Variants in RARB observed in about 807,000 individuals in gnomAD.
RARB encodes HBV-activated protein.
A neutral mutation model predicts 51.9 loss-of-function variants in RARB; 17 were observed. The ratio of observed to expected loss-of-function variants is 0.33; its 90% CI spans 0.22 to 0.49. RARB has a LOEUF of 0.49. RARB is among the 20% of genes least tolerant of loss of function. RARB has a pLI of 0.99. For missense variants in RARB, 369 were observed against 550.8 expected (o/e 0.67, Z 3.30); for synonymous variants, 215 against 195.4 (o/e 1.10, Z -0.84).
At chr3:25,207,428 C>A (rs867172787) in intron 5 of RARB, among the ~76,000 whole-genome samples, 7 of 152,122 alleles carry the variant, frequency 4.6e-5, no homozygotes, top group African/African-American at 1.4e-4. Context: ...TCTTATCTTT[C>A]CTGTTTTAAT....
chr3:25,471,436 A>G (rs571584977), intron 2 of RARB, among the ~76,000 whole-genome samples: 19 of 152,192 alleles, frequency 1.2e-4, no homozygotes, highest in Non-Finnish European at 2.8e-4. Context: ...AATAATTCCT[A>G]CGGAAGGAGA....
intron 2 of RARB, among the ~76,000 whole-genome samples, chr3:25,468,638 A>G (rs1189279877): frequency 1.3e-5 from 2 of 152,074 alleles, no homozygotes; most frequent in Non-Finnish European, 2.9e-5. Flanking sequence ...TGGGGGTTTC[A>G]TAGGCCACCA....
chr3:25,157,376 G>GTA (rs112023953), intron 4 of RARB, among the ~76,000 whole-genome samples: 4,489 of 121,132 alleles, frequency 0.037, 159 homozygotes, highest in African/African-American at 0.1. Context: ...GTGTGTGTGT[G>GTA]TGTGTATATA....
chr3:25,276,573 T>C (rs1703387391), intron 5 of RARB, among the ~76,000 whole-genome samples: 1 of 152,218 alleles, frequency 6.6e-6, no homozygotes. Context: ...AAAGAAATTC[T>C]CAGACCATCA....
chr3:25,298,605 C>T (rs1370832249), intron 5 of RARB, among the ~76,000 whole-genome samples: 3 of 152,068 alleles, frequency 2.0e-5, no homozygotes, highest in South Asian at 2.1e-4. Flanking sequence ...TTTTTAGTCC[C>T]GGGTATGACA....
intron 3 of RARB, among the ~76,000 whole-genome samples, chr3:25,547,123 C>T (rs941146658): frequency 2.0e-5 from 3 of 152,130 alleles, no homozygotes; most frequent in Non-Finnish European, 2.9e-5. Flanking sequence ...TGGGAGCTTC[C>T]GTGTCATGGA....
intron 2 of RARB, among the ~76,000 whole-genome samples, chr3:25,000,632 A>G (rs983779027): frequency 2.0e-5 from 3 of 152,270 alleles, no homozygotes; most frequent in South Asian, 2.1e-4. Context: ...GAGTATATGC[A>G]TGTGTATATT....
chr3:25,334,635 A>T (rs1700595212), intron 5 of RARB, among the ~76,000 whole-genome samples: 1 of 152,178 alleles, frequency 6.6e-6, no homozygotes, highest in African/African-American at 2.4e-5. Flanking sequence ...ATATGTAACA[A>T]ACCTGCAGGT....
chr3:25,155,046 C>T (rs1700351872), intron 4 of RARB, among the ~76,000 whole-genome samples: 1 of 152,194 alleles, frequency 6.6e-6, no homozygotes, highest in East Asian at 1.9e-4. Context: ...ATTCTCACAT[C>T]CAATTCTGTT....
chr3:25,408,920 G>T (rs1707486799), intron 5 of RARB, among the ~76,000 whole-genome samples: 1 of 152,134 alleles, frequency 6.6e-6, no homozygotes, highest in African/African-American at 2.4e-5. Context: ...TGTAGTCCCA[G>T]CTACTTGGGG....
chr3:25,174,985 T>C (rs1269428584), intron 5 of RARB, among the ~76,000 whole-genome samples: 1 of 152,202 alleles, frequency 6.6e-6, no homozygotes, highest in East Asian at 1.9e-4. Flanking sequence ...TCTCTGAATC[T>C]TTTACTTGTT....
intron 2 of RARB, among the ~76,000 whole-genome samples, chr3:24,995,228 G>C (rs1696996044): frequency 1.6e-5 from 1 of 60,712 alleles, no homozygotes; most frequent in Admixed American, 1.7e-4. Flanking sequence ...GTTATTTCCA[G>C]GTGTTTTTTT....
chr3:25,078,082 T>C (rs1230846125), intron 3 of RARB, among the ~76,000 whole-genome samples: 1 of 152,160 alleles, frequency 6.6e-6, no homozygotes, highest in Non-Finnish European at 1.5e-5. Context: ...GAGATATAGT[T>C]TGCCTATGGA....
intron 2 of RARB, among the ~76,000 whole-genome samples, chr3:24,971,623 A>C (rs80238313): frequency 6.6e-6 from 1 of 152,082 alleles, no homozygotes; most frequent in Admixed American, 6.6e-5. Flanking sequence ...CTTCTAAAAA[A>C]TGGCAGCACA....
chr3:25,513,277 A>G (rs985303663), intron 3 of RARB, among the ~76,000 whole-genome samples: 1 of 151,998 alleles, frequency 6.6e-6, no homozygotes, highest in Non-Finnish European at 1.5e-5. Flanking sequence ...ACAGACGGAG[A>G]CTCCATCTCA....
intron 2 of RARB, among the ~76,000 whole-genome samples, chr3:24,873,931 C>T (rs1278407402): frequency 1.3e-5 from 2 of 151,876 alleles, no homozygotes; most frequent in African/African-American, 2.4e-5. Flanking sequence ...CAGCCAACCA[C>T]AGATCAAAAA....
intron 5 of RARB, among the ~76,000 whole-genome samples, chr3:25,296,785 C>T (rs956529158): frequency 6.6e-6 from 1 of 152,144 alleles, no homozygotes; most frequent in Non-Finnish European, 1.5e-5. Flanking sequence ...ATTTGGAAGT[C>T]CCATTGCTTT....
At chr3:24,986,248 C>T (rs1220957178) in intron 2 of RARB, among the ~76,000 whole-genome samples, 7 of 152,136 alleles carry the variant, frequency 4.6e-5, no homozygotes, top group African/African-American at 1.7e-4. Context: ...TTATACAGAA[C>T]ATGTTCAAGT....
chr3:24,939,533 T>A (rs1006494744), intron 2 of RARB, among the ~76,000 whole-genome samples: 6 of 152,182 alleles, frequency 3.9e-5, no homozygotes, highest in African/African-American at 1.2e-4. Context: ...ATTTGTTGGG[T>A]CAGAAAAAGG....
Sources: allele counts gnomAD v4.1 joint callset (sites outside exome capture counted in the v4.1 genomes callset), GRCh38; gene constraint gnomAD v4.1.1; transcripts MANE v1.5; gene names NCBI Gene and HGNC (gene_info 2026-07-23, HGNC 2026-07-21).